The following PHACTR2 variants were observed in gnomAD, a reference collection of about 807,000 sequenced individuals.
The protein encoded by PHACTR2 is phosphatase and actin regulator 2.
PHACTR2 carries 30 observed loss-of-function variants against 76.0 expected under a neutral mutation model. The ratio of observed to expected loss-of-function variants is 0.39; its 90% CI spans 0.30 to 0.54. The LOEUF (loss-of-function observed/expected upper bound fraction) is 0.54. Ranked by LOEUF, PHACTR2 falls within the 20% of genes least tolerant of loss-of-function variation. PHACTR2 has a pLI of 0.61. For missense variants in PHACTR2, 696 were observed against 781.1 expected, an observed-to-expected ratio of 0.89 and a Z score of 1.30; for synonymous variants, 292 against 292.5, an observed-to-expected ratio of 1.00 and a Z score of 0.02.
At chr6:143,729,323 G>T (rs1324563823) in intron 2 of PHACTR2, among the ~76,000 whole-genome samples, 2 of 151,958 alleles carry the variant, frequency 1.3e-5, no homozygotes, top group Admixed American at 1.3e-4. Flanking sequence ...AGTACCTTTT[G>T]CAGAGGAAAA....
chr6:143,727,849 T>G (rs927638435), intron 2 of PHACTR2, among the ~76,000 whole-genome samples: 1 of 152,222 alleles, frequency 6.6e-6, no homozygotes, highest in African/African-American at 2.4e-5. Flanking sequence ...CCTCAACATA[T>G]TAAAGCCCTT....
rs1281544259 is a variant in PHACTR2, at chr6:143,816,856, A to G, written c.1923-6818A>G. Among the ~76,000 whole-genome samples, 25 of 152,196 alleles carry G rather than the reference A, an allele frequency of 1.6e-4. No homozygotes were observed. The highest frequency in any genetic ancestry group is 3.5e-4 in the Non-Finnish European group (24 of 68,038). On this transcript the variant is annotated intron_variant, in intron 12 of 12. Transcript: ENST00000440869. This position sits in a 1 kb window ranked among gnomAD's most constrained non-coding sequence, Gnocchi z 4.5. The stretch of plus-strand genomic sequence containing the variant: ...TGAGGCGGGAGGATCGCTTGAGGCC[A>G]GGAGTTCAAGACCAGCCTGGTCAAC...
chr6:143,705,508 A>G (rs1410969045), intron 1 of PHACTR2, among the ~76,000 whole-genome samples: 1 of 151,852 alleles, frequency 6.6e-6, no homozygotes, highest in African/African-American at 2.4e-5. Context: ...GTTAGCCAAG[A>G]TGGTCTCGAT....
intron 1 of PHACTR2, among the ~76,000 whole-genome samples, chr6:143,669,400 G>T (rs1777104435): frequency 6.6e-6 from 1 of 152,166 alleles, no homozygotes; most frequent in Non-Finnish European, 1.5e-5. Context: ...GCTTTGTCCA[G>T]AGCTGAGTTC....
chr6:143,722,200 TA>T lies in PHACTR2; in HGVS notation c.214+10018del, dbSNP rs1294353576. On this transcript the variant is annotated intron_variant, in intron 2 of 12. Coordinates refer to ENST00000440869, the MANE Select transcript of PHACTR2 (RefSeq NM_001100164.2). The surrounding 1 kb of genome is among the most constrained non-coding windows in gnomAD (Gnocchi z 4.1). ...AGCCTCCTAACAGGGTGATCTGTTTTATTTTTTTATAACAATATATTTTCTG... is the reference window on the plus strand; with the variant it reads ...AGCCTCCTAACAGGGTGATCTGTTTTTTTTTTTATAACAATATATTTTCTG... 6.6e-6 allele frequency among the ~76,000 whole-genome samples: 1 copy of T among 152,234 alleles called. No homozygotes were observed. The highest frequency in any genetic ancestry group is 2.4e-5 in the African/African-American group (1 of 41,472).
intron 2 of PHACTR2, among the ~76,000 whole-genome samples, chr6:143,721,938 T>A (rs1348153507): frequency 6.6e-6 from 1 of 152,194 alleles, no homozygotes; most frequent in Non-Finnish European, 1.5e-5. Flanking sequence ...TTCTTAGCTA[T>A]TTTTAATCCT....
At chr6:143,792,818 A>G (rs1562309800) in intron 11 of PHACTR2, among the ~76,000 whole-genome samples, 1 of 152,162 alleles carries the variant, frequency 6.6e-6, no homozygotes, top group African/African-American at 2.4e-5. Context: ...TGGCTCAGCA[A>G]ATGTCCCAAG....
chr6:143,764,076 G>T lies in PHACTR2; in HGVS notation c.695-1185G>T, dbSNP rs1212296418. ...TGTTTTGAAACTGTTTTGATTGAGGGTGCCCTATCCGGAAGTAGGCAAATA... is the reference window on the plus strand; with the variant it reads ...TGTTTTGAAACTGTTTTGATTGAGGTTGCCCTATCCGGAAGTAGGCAAATA... On this transcript the variant is annotated intron_variant, in intron 5 of 12. Transcript: ENST00000440869. The surrounding 1 kb of genome is among the most constrained non-coding windows in gnomAD (Gnocchi z 4.7). Among the ~76,000 whole-genome samples the T allele has an allele frequency of 6.6e-6, 1 of 152,172 alleles. No homozygotes were observed. Among genetic ancestry groups the T allele is most frequent in the African/African-American group, 2.4e-5 (1 of 41,430 alleles).
chr6:143,706,538 G>A (rs776251050), intron 1 of PHACTR2, among the ~76,000 whole-genome samples: 5 of 152,158 alleles, frequency 3.3e-5, no homozygotes, highest in Non-Finnish European at 5.9e-5. Flanking sequence ...CTCTCCAGTA[G>A]TGAGAAACCT....
chr6:143,785,455 T>G (rs1775534108), intron 10 of PHACTR2, among the ~76,000 whole-genome samples: 1 of 152,174 alleles, frequency 6.6e-6, no homozygotes, highest in Non-Finnish European at 1.5e-5. Context: ...CACAGACTAG[T>G]GTTGAGTGTC....
rs370255228 is a variant in PHACTR2 at position 143,630,083 on chromosome 6, ATAACTT to A, written c.13+21765_13+21770del. ...TGAAAATCTTGGATACATGACCAAAATAACTTTAATAGTGGGATTTGAGTCATTCTT... is the reference window on the plus strand; with the variant it reads ...TGAAAATCTTGGATACATGACCAAAATAATAGTGGGATTTGAGTCATTCTT... On this transcript the variant is annotated intron_variant, in intron 1 of 11. Transcript: ENST00000305766. Among the ~76,000 whole-genome samples the A allele has an allele frequency of 8.6e-3, 1,310 of 152,056 alleles. 17 individuals are homozygous for A. Among genetic ancestry groups the A allele is most frequent in the African/African-American group, 0.027 (1,134 of 41,512 alleles).
intron 10 of PHACTR2, among the ~76,000 whole-genome samples, chr6:143,785,275 T>C (rs1359075257): frequency 6.6e-6 from 1 of 152,158 alleles, no homozygotes; most frequent in Non-Finnish European, 1.5e-5. Flanking sequence ...GCAGGGCCCA[T>C]GGCAAGTCTG....
In PHACTR2 at chr6:143,809,642, T is replaced by C. The variant is rs1776135829; in HGVS notation, c.1922+2509T>C. 1.3e-5 allele frequency among the ~76,000 whole-genome samples: 2 copies of C among 152,126 alleles called. No individual in the cohort carries two copies. The highest frequency in any genetic ancestry group is 4.1e-4 in the South Asian group (2 of 4,828). On this transcript the variant is annotated intron_variant, in intron 12 of 12. Coordinates refer to ENST00000440869, the MANE Select transcript of PHACTR2 (RefSeq NM_001100164.2). The surrounding 1 kb of genome is among the most constrained non-coding windows in gnomAD (Gnocchi z 4.2). ...CCAACCTCATTTCTGTTCTCACAGGTATCCACTAGTAAAAGCTTGATGTAG... is the reference window on the plus strand; with the variant it reads ...CCAACCTCATTTCTGTTCTCACAGGCATCCACTAGTAAAAGCTTGATGTAG...
In PHACTR2 at chr6:143,820,906, GCTTCCATCA is replaced by G. The variant is rs1776405424; in HGVS notation, c.1923-2764_1923-2756del. On this transcript the variant is annotated intron_variant, in intron 12 of 12. Transcript: ENST00000440869. The surrounding 1 kb of genome is among the most constrained non-coding windows in gnomAD (Gnocchi z 4.2). ...CTGAAATCTAGGTGGAGTGTCTGAAGCTTCCATCACTTTTGCATTCTGTGCATCTGCAGG... is the reference window on the plus strand; with the variant it reads ...CTGAAATCTAGGTGGAGTGTCTGAAGCTTTTGCATTCTGTGCATCTGCAGG... Among the ~76,000 whole-genome samples the G allele has an allele frequency of 6.6e-6, 1 of 152,236 alleles. No homozygotes were observed. The highest frequency in any genetic ancestry group is 2.4e-5 in the African/African-American group (1 of 41,466).
rs1194629369 is a variant in PHACTR2 at position 143,807,166 on chromosome 6, A to G, written c.1922+33A>G. 1.6e-6 allele frequency: 2 copies of G among 1,259,460 alleles called. No homozygotes were observed. The highest frequency in any genetic ancestry group is 2.3e-5 in the East Asian group (1 of 43,018). 78.0% of individuals were successfully genotyped at this position (1,259,460 alleles called of 1,614,324 possible). A position where few individuals can be genotyped will look rare whatever the true frequency, so the allele number is the denominator to read the frequency against. On this transcript the variant is annotated intron_variant, in intron 12 of 12. Coordinates refer to ENST00000440869, the MANE Select transcript of PHACTR2 (RefSeq NM_001100164.2). This position sits in a 1 kb window ranked among gnomAD's most constrained non-coding sequence, Gnocchi z 5.5. ...ACAAAATGCAGCTTAGAAATTGAAA[A>G]TGCTTAAGATGTGATCCCATGTTGA...
At chr6:143,573,979 G>A (rs1775477516) in intron 1 of PHACTR2, among the ~76,000 whole-genome samples, 1 of 152,202 alleles carries the variant, frequency 6.6e-6, no homozygotes, top group African/African-American at 2.4e-5. Flanking sequence ...CAGGTTCTAT[G>A]GGTCAGGAGC....
At chr6:143,719,921 C>T (rs896433636) in intron 2 of PHACTR2, among the ~76,000 whole-genome samples, 19 of 148,244 alleles carry the variant, frequency 1.3e-4, no homozygotes, top group African/African-American at 4.8e-4. Flanking sequence ...AAGCAATTCT[C>T]CTGCCTCAGC....
intron 1 of PHACTR2, among the ~76,000 whole-genome samples, chr6:143,628,166 T>C (rs1457871443): frequency 6.6e-6 from 1 of 152,254 alleles, no homozygotes; most frequent in Admixed American, 6.5e-5. Context: ...TCTATGGATG[T>C]ACCACGTTTT....
Position 143,596,534 on chromosome 6 carries a change from CTG to C in PHACTR2, c.217+59331_217+59332del, listed in dbSNP as rs1359214569. The stretch of plus-strand genomic sequence containing the variant: ...GAATGTTTTTGAAAACACCAAAACT[CTG>C]TGTAAGAATCACAGCCATCAGGCCG... On this transcript the variant is annotated intron_variant, in intron 1 of 11. Transcript: ENST00000367584. This position sits in a 1 kb window ranked among gnomAD's most constrained non-coding sequence, Gnocchi z 4.6. Among the ~76,000 whole-genome samples the C allele has an allele frequency of 7.2e-5, 11 of 152,148 alleles. No individual in the cohort carries two copies. Among genetic ancestry groups the C allele is most frequent in the African/African-American group, 2.7e-4 (11 of 41,446 alleles).
Sources: gnomAD v4.1 joint callset for allele counts (sites outside exome capture counted in the v4.1 genomes callset) on GRCh38, gnomAD v4.1.1 for gene constraint, Gnocchi (gnomAD v3.1) non-coding constraint, MANE v1.5 for transcripts, NCBI Gene and HGNC (gene_info 2026-07-23, HGNC 2026-07-21) for gene names.